The following MIPEP variants were observed in gnomAD, a reference collection of about 807,000 sequenced individuals.
The protein encoded by MIPEP is mitochondrial intermediate peptidase.
A neutral mutation model predicts 90.3 loss-of-function variants in MIPEP; 79 were observed. That is an observed-to-expected ratio of 0.87 (90% CI 0.73 to 1.05). The LOEUF (loss-of-function observed/expected upper bound fraction) is 1.05, where lower values mean the gene tolerates loss of function less well. MIPEP is among the 50% of genes least tolerant of loss of function. The pLI, the probability that MIPEP is intolerant of heterozygous loss-of-function variation, is 0.00. For synonymous variants in MIPEP, 334 were observed against 315.8 expected, an observed-to-expected ratio of 1.06 and a Z score of -0.61; for missense variants, 940 against 905.6, an observed-to-expected ratio of 1.04 and a Z score of -0.49.
intron 18 of MIPEP, among the ~76,000 whole-genome samples, chr13:23,742,843 G>A (rs904109375): frequency 1.3e-5 from 2 of 152,204 alleles, no homozygotes; most frequent in Admixed American, 6.5e-5. Context: ...CTTCACTGGG[G>A]TGATGGGGAA....
chr13:23,825,899 T>C (rs1303322095), intron 14 of MIPEP, among the ~76,000 whole-genome samples: 1 of 152,162 alleles, frequency 6.6e-6, no homozygotes. Context: ...TATTAACTTC[T>C]CTTAACATCG....
At chr13:23,889,085 G>A in intron 1 of MIPEP, 47 bp downstream of exon 1, 1 of 1,365,812 alleles carries the variant, frequency 7.3e-7, no homozygotes, top group South Asian at 1.7e-5. Flanking sequence ...CGGAGCAGGG[G>A]TCGGCTTAGC....
chr13:23,743,506 A>G (rs765331193), intron 18 of MIPEP, among the ~76,000 whole-genome samples: 7 of 152,222 alleles, frequency 4.6e-5, no homozygotes, highest in Admixed American at 1.3e-4. Flanking sequence ...CTTTGAACTA[A>G]AAAGACTCTG....
intron 14 of MIPEP, among the ~76,000 whole-genome samples, chr13:23,818,255 TAAAA>T (rs79782871): frequency 1.4e-5 from 2 of 145,776 alleles, no homozygotes; most frequent in Non-Finnish European, 3.0e-5. Context: ...TGTATCTACT[TAAAA>T]AAAAAAAAAA....
intron 9 of MIPEP, 89 bp downstream of exon 9, chr13:23,862,213 C>A (rs961436112): frequency 1.7e-5 from 13 of 777,600 alleles, no homozygotes; most frequent in Non-Finnish European, 2.4e-5. Context: ...GGACCTGTAG[C>A]CTATCACAAG....
intron 1 of MIPEP, among the ~76,000 whole-genome samples, chr13:23,887,206 T>A (rs112704324): frequency 0.13 from 19,439 of 152,210 alleles, 1,351 homozygotes; most frequent in African/African-American, 0.15. Context: ...CATTTCAATA[T>A]CTTGATAAAA....
chr13:23,750,293 A>T (rs1398917755), intron 18 of MIPEP, among the ~76,000 whole-genome samples: 1 of 152,106 alleles, frequency 6.6e-6, no homozygotes. Context: ...GGTACGATCA[A>T]AACTAGCTGT....
At chr13:23,762,152 T>C (rs1049547253) in intron 16 of MIPEP, among the ~76,000 whole-genome samples, 1 of 151,650 alleles carries the variant, frequency 6.6e-6, no homozygotes, top group Non-Finnish European at 1.5e-5. Context: ...AAAAAATAAA[T>C]AAACAACTTT....
intron 18 of MIPEP, among the ~76,000 whole-genome samples, chr13:23,749,207 T>C (rs185371403): frequency 6.6e-6 from 1 of 152,336 alleles, no homozygotes; most frequent in African/African-American, 2.4e-5. Flanking sequence ...TGACTGTTTA[T>C]TTAGCTTTCT....
intron 2 of MIPEP, among the ~76,000 whole-genome samples, chr13:23,884,461 G>A (rs1871391549): frequency 6.6e-6 from 1 of 152,214 alleles, no homozygotes; most frequent in Admixed American, 6.5e-5. Context: ...TGAGCAGCCA[G>A]CCAGCCCTGA....
At chr13:23,821,662 T>C (rs961789779) in intron 14 of MIPEP, among the ~76,000 whole-genome samples, 9 of 152,050 alleles carry the variant, frequency 5.9e-5, no homozygotes, top group South Asian at 2.1e-4. Context: ...CTGAGGGGGG[T>C]TGGTTCCAGG....
At chr13:23,782,320 T>C (rs1952790727) in intron 16 of MIPEP, among the ~76,000 whole-genome samples, 1 of 152,148 alleles carries the variant, frequency 6.6e-6, no homozygotes, top group African/African-American at 2.4e-5. Flanking sequence ...ACTGCTCAAC[T>C]ACATGGAAAC....
At chr13:23,877,155 G>A (rs924423605) in intron 4 of MIPEP, among the ~76,000 whole-genome samples, 3 of 151,844 alleles carry the variant, frequency 2.0e-5, no homozygotes, top group African/African-American at 7.3e-5. Flanking sequence ...TGCCTATTCT[G>A]GCATATTTAT....
At chr13:23,835,942 C>T (rs1415269256) in intron 14 of MIPEP, among the ~76,000 whole-genome samples, 1 of 152,104 alleles carries the variant, frequency 6.6e-6, no homozygotes, top group East Asian at 1.9e-4. Context: ...CTTGTTTCTT[C>T]ATCTGGAAAA....
chr13:23,885,002 C>A (rs1871416077), intron 2 of MIPEP, among the ~76,000 whole-genome samples: 1 of 152,142 alleles, frequency 6.6e-6, no homozygotes, highest in South Asian at 2.1e-4. Context: ...TCTGCACTTC[C>A]ATGTTTGCTG....
chr13:23,821,891 C>T (rs539409868), intron 14 of MIPEP, among the ~76,000 whole-genome samples: 1 of 151,662 alleles, frequency 6.6e-6, no homozygotes, highest in Admixed American at 6.6e-5. Flanking sequence ...CTATTTTTTC[C>T]AAGTATTTTT....
intron 14 of MIPEP, among the ~76,000 whole-genome samples, chr13:23,827,438 T>C (rs1868520467): frequency 6.6e-6 from 1 of 152,146 alleles, no homozygotes; most frequent in Non-Finnish European, 1.5e-5. Context: ...TTAAAAAATC[T>C]TCCCACAGAG....
chr13:23,755,724 G>C (rs1247483593), intron 18 of MIPEP, among the ~76,000 whole-genome samples: 1 of 151,388 alleles, frequency 6.6e-6, no homozygotes, highest in Non-Finnish European at 1.5e-5. Context: ...TAAATTTTCA[G>C]TAAAAATACT....
chr13:23,855,043 C>T (rs562414989), intron 10 of MIPEP, among the ~76,000 whole-genome samples: 1 of 152,222 alleles, frequency 6.6e-6, no homozygotes, highest in East Asian at 1.9e-4. Context: ...CATTAAACAA[C>T]TTAAAAGTGG....
Sources: gnomAD v4.1 joint callset for allele counts (sites outside exome capture counted in the v4.1 genomes callset) on GRCh38, gnomAD v4.1.1 for gene constraint, MANE v1.5 for transcripts, NCBI Gene and HGNC (gene_info 2026-07-23, HGNC 2026-07-21) for gene names.